COG5: variants seen among roughly 807,000 people sequenced by gnomAD.
COG5 encodes component of oligomeric golgi complex 5.
Under a neutral mutation model 110.4 loss-of-function variants are expected in COG5, and 86 were observed. The observed-to-expected ratio is 0.78, with a 90% confidence interval of 0.65 to 0.93. COG5 has a LOEUF of 0.93. Among genes scored for constraint, COG5 ranks in the 40% least tolerant of loss-of-function variants. The pLI is 0.00. For missense variants in COG5, 1,077 were observed against 987.0 expected, an observed-to-expected ratio of 1.09 and a Z score of -1.22; for synonymous variants, 360 against 334.6, an observed-to-expected ratio of 1.08 and a Z score of -0.83.
chr7:107,432,279 C>T (rs1345554067), intron 6 of COG5, among the ~76,000 whole-genome samples: 1 of 152,132 alleles, frequency 6.6e-6, no homozygotes, highest in Non-Finnish European at 1.5e-5. Flanking sequence ...ATAAAAATAA[C>T]TGCTCTGTAG....
At chr7:107,379,879 AT>A (rs1814960657) in intron 7 of COG5, among the ~76,000 whole-genome samples, 1 of 152,046 alleles carries the variant, frequency 6.6e-6, no homozygotes, top group Non-Finnish European at 1.5e-5. Context: ...GAGACAGAAA[AT>A]TTATAAGGAT....
chr7:107,230,047 C>T (rs1800669836), intron 19 of COG5, among the ~76,000 whole-genome samples: 1 of 151,930 alleles, frequency 6.6e-6, no homozygotes, highest in South Asian at 2.1e-4. Context: ...GACAGAGTTT[C>T]ACCATGTTGG....
intron 7 of COG5, among the ~76,000 whole-genome samples, chr7:107,395,825 G>A (rs1433868709): frequency 6.6e-6 from 1 of 152,004 alleles, no homozygotes. Flanking sequence ...AAAGTGCTAG[G>A]ATTACAGGCG....
At chr7:107,246,662 C>G (rs1053839432) in intron 17 of COG5, among the ~76,000 whole-genome samples, 1 of 152,012 alleles carries the variant, frequency 6.6e-6, no homozygotes, top group African/African-American at 2.4e-5. Flanking sequence ...AAATCAAAAC[C>G]GCAATGAGAT....
At chr7:107,416,986 A>C (rs1792894256) in intron 6 of COG5, among the ~76,000 whole-genome samples, 1 of 152,224 alleles carries the variant, frequency 6.6e-6, no homozygotes, top group Admixed American at 6.5e-5. Flanking sequence ...GGAGCATTGG[A>C]ATTTGTACAG....
intron 19 of COG5, among the ~76,000 whole-genome samples, chr7:107,218,529 G>A (rs978005052): frequency 6.6e-6 from 1 of 152,046 alleles, no homozygotes; most frequent in African/African-American, 2.4e-5. Flanking sequence ...ACAGAACATA[G>A]AGCCCATAAA....
chr7:107,495,765 T>C (rs117335186), intron 6 of COG5, among the ~76,000 whole-genome samples: 2,642 of 151,944 alleles, frequency 0.017, 46 homozygotes, highest in Non-Finnish European at 0.026. Flanking sequence ...CTTAGAAAAA[T>C]AGTACAAGCA....
chr7:107,449,150 G>C (rs1795181461), intron 6 of COG5, among the ~76,000 whole-genome samples: 1 of 151,936 alleles, frequency 6.6e-6, no homozygotes, highest in Non-Finnish European at 1.5e-5. Context: ...ACAGGGAGGG[G>C]AACATCACAC....
At chr7:107,404,954 TTTAGA>T (rs1189307542) in intron 7 of COG5, among the ~76,000 whole-genome samples, 2 of 150,108 alleles carry the variant, frequency 1.3e-5, no homozygotes, top group East Asian at 1.9e-4. Flanking sequence ...GAAGGACCAG[TTTAGA>T]TTAATCATCA....
chr7:107,460,090 C>T (rs1018859092), intron 6 of COG5, among the ~76,000 whole-genome samples: 1 of 152,040 alleles, frequency 6.6e-6, no homozygotes, highest in African/African-American at 2.4e-5. Context: ...TGAAAAATCA[C>T]CAAGTATTTA....
intron 7 of COG5, among the ~76,000 whole-genome samples, chr7:107,387,817 G>GT (rs761945055): frequency 9.9e-5 from 15 of 152,206 alleles, no homozygotes; most frequent in Non-Finnish European, 2.2e-4. Context: ...CATAAATATC[G>GT]TGAGTGACTC....
chr7:107,309,583 G>A (rs1808036184), intron 11 of COG5, among the ~76,000 whole-genome samples: 1 of 152,052 alleles, frequency 6.6e-6, no homozygotes, highest in African/African-American at 2.4e-5. Context: ...TGGGTTGTGG[G>A]GGCAGTTTTT....
At chr7:107,294,905 G>A (rs1414585987) in intron 12 of COG5, among the ~76,000 whole-genome samples, 2 of 82,774 alleles carry the variant, frequency 2.4e-5, no homozygotes, top group Non-Finnish European at 5.5e-5. Context: ...GTGTGTGTGT[G>A]TGTGTGTGTG....
chr7:107,298,130 A>G lies in COG5; in HGVS notation c.1313+12T>C. 6.9e-7 allele frequency: 1 copy of G among 1,457,972 alleles called. No homozygotes were observed. The highest frequency in any genetic ancestry group is 1.9e-4 in the Middle Eastern group (1 of 5,184). The allele number at this position is 1,457,972 out of a possible 1,614,324, so 90.3% of individuals were successfully genotyped here. A position where few individuals can be genotyped will look rare whatever the true frequency, so the allele number is the denominator to read the frequency against. On this transcript the variant is annotated intron_variant, in intron 12 of 21. Coordinates refer to ENST00000297135, the MANE Select transcript of COG5 (RefSeq NM_006348.5). ...AAGATGCCAACTAACAGGTCAAATTAAACAAACATACTCATAATCTGGCTT... is the reference window on the plus strand; with the variant it reads ...AAGATGCCAACTAACAGGTCAAATTGAACAAACATACTCATAATCTGGCTT...
At chr7:107,429,550 C>A (rs994062046) in intron 6 of COG5, among the ~76,000 whole-genome samples, 2 of 151,938 alleles carry the variant, frequency 1.3e-5, no homozygotes, top group African/African-American at 4.8e-5. Context: ...GTTTCAACCT[C>A]CAGAGTAGCA....
At chr7:107,275,641 C>T (rs537410478) in intron 14 of COG5, among the ~76,000 whole-genome samples, 49 of 152,004 alleles carry the variant, frequency 3.2e-4, no homozygotes, top group African/African-American at 1.2e-3. Context: ...CTGCAACCTC[C>T]GCCTCCTGGG....
intron 7 of COG5, among the ~76,000 whole-genome samples, chr7:107,404,923 A>ACAAAAATT (rs1254215278): frequency 2.0e-5 from 3 of 151,614 alleles, no homozygotes. Context: ...TGGCCAGAAA[A>ACAAAAATT]CAAAAATTCT....
At chr7:107,505,279 T>A (rs1344666401) in intron 6 of COG5, among the ~76,000 whole-genome samples, 3 of 152,144 alleles carry the variant, frequency 2.0e-5, no homozygotes, top group Non-Finnish European at 4.4e-5. Flanking sequence ...TGGGGAAAGG[T>A]CCCAGCCTTG....
chr7:107,306,678 C>T (rs10260250), intron 11 of COG5, among the ~76,000 whole-genome samples: 92,447 of 152,026 alleles, frequency 0.61, 29,871 homozygotes, highest in African/African-American at 0.85. Context: ...ACTGCAATCC[C>T]TTATTTTTTA....
Sources: gnomAD v4.1 joint callset for allele counts (sites outside exome capture counted in the v4.1 genomes callset) on GRCh38, gnomAD v4.1.1 for gene constraint, MANE v1.5 for transcripts, NCBI Gene and HGNC (gene_info 2026-07-23, HGNC 2026-07-21) for gene names.